PPP4R3A: variants seen among roughly 807,000 people sequenced by gnomAD.
PPP4R3A encodes the protein protein phosphatase 4 regulatory subunit 3A.
A neutral mutation model predicts 91.7 loss-of-function variants in PPP4R3A; 15 were observed. The ratio of observed to expected loss-of-function variants is 0.16; its 90% CI spans 0.11 to 0.25. The LOEUF (loss-of-function observed/expected upper bound fraction) is 0.25, where lower values mean the gene tolerates loss of function less well. PPP4R3A is among the 10% of genes least tolerant of loss of function. The pLI is 1.00. For synonymous variants in PPP4R3A, 377 were observed against 348.7 expected (o/e 1.08, Z -0.91); for missense variants, 623 against 998.4 (o/e 0.62, Z 5.07).
intron 7 of PPP4R3A, 39 bp from the exon 8 acceptor site, chr14:91,473,409 TGA>T: frequency 1.3e-6 from 2 of 1,580,166 alleles, no homozygotes; most frequent in East Asian, 2.2e-5. Context: ...TCACTTATTA[TGA>T]GAGAACGGAA....
chr14:91,501,090 C>A (rs144501666), intron 1 of PPP4R3A, among the ~76,000 whole-genome samples: 1 of 152,108 alleles, frequency 6.6e-6, no homozygotes, highest in African/African-American at 2.4e-5. Flanking sequence ...TTTTATTCAT[C>A]TGGAAAATTC....
At chr14:91,460,595 TGA>T (rs1268388003) in intron 14 of PPP4R3A, among the ~76,000 whole-genome samples, 1 of 151,658 alleles carries the variant, frequency 6.6e-6, no homozygotes, top group Non-Finnish European at 1.5e-5. Flanking sequence ...GGTTTTATTC[TGA>T]GATTGCATGT....
chr14:91,472,841 C>CAACT (rs1888939973), intron 9 of PPP4R3A, among the ~76,000 whole-genome samples, 192 bp downstream of exon 9: 2 of 151,964 alleles, frequency 1.3e-5, no homozygotes, highest in South Asian at 4.2e-4. Context: ...ACCAACCAAC[C>CAACT]AACCAACCAA....
chr14:91,458,886 ATTAT>A lies in PPP4R3A; in HGVS notation c.2392-21_2392-18del, dbSNP rs770506587. On this transcript the variant is annotated intron_variant, in intron 14 of 14. Transcript: ENST00000554943. Reference sequence around the variant, plus strand: ...GAGGCCTCCCTGTTAAGAAATAAGGATTATTTAAAGAACAGAAAATAAAACATAT... The same window carrying A: ...GAGGCCTCCCTGTTAAGAAATAAGGATTAAAGAACAGAAAATAAAACATAT... 235 of 1,581,866 alleles carry A rather than the reference ATTAT, an allele frequency of 1.5e-4. No individual in the cohort carries two copies. The highest frequency in any genetic ancestry group is 1.9e-4 in the Non-Finnish European group (221 of 1,165,444).
intron 1 of PPP4R3A, among the ~76,000 whole-genome samples, chr14:91,499,871 T>TC (rs1890834837): frequency 6.6e-6 from 1 of 150,800 alleles, no homozygotes; most frequent in Non-Finnish European, 1.5e-5. Flanking sequence ...TCTTGGTTCT[T>TC]CCTATAAAAT....
rs997043885 is a variant in PPP4R3A, at chr14:91,485,786, T to G, written c.199-56A>C. 1.1e-4 allele frequency: 128 copies of G among 1,186,168 alleles called. No individual in the cohort carries two copies. The African/African-American group carries it at 1.9e-3, about 17-fold the overall frequency. The allele number at this position is 1,186,168 out of a possible 1,614,324, so 73.5% of individuals were successfully genotyped here. A position where few individuals can be genotyped will look rare whatever the true frequency, so the allele number is the denominator to read the frequency against. ...TAACATACACTATCACAAACGAAAA[T>G]GAACAAACAAAAGGAAATAAAACTG... On this transcript the variant is annotated intron_variant, in intron 2 of 14. Coordinates refer to ENST00000554943, the MANE Select transcript of PPP4R3A (RefSeq NM_001366432.2).
chr14:91,463,826 CAG>C (rs1491173926), intron 11 of PPP4R3A, among the ~76,000 whole-genome samples: 2 of 152,096 alleles, frequency 1.3e-5, no homozygotes, highest in African/African-American at 4.8e-5. Flanking sequence ...CTGCGTGTCA[CAG>C]GGGTTTGGTG....
intron 9 of PPP4R3A, among the ~76,000 whole-genome samples, 181 bp downstream of exon 9, chr14:91,472,852 A>AACCAACCAACCAACCAAG (rs1888940629): frequency 2.6e-5 from 2 of 75,570 alleles, no homozygotes; most frequent in Non-Finnish European, 5.7e-5. Flanking sequence ...AACCAACCAA[A>AACCAACCAACCAACCAAG]TTATTAAGAC....
intron 4 of PPP4R3A, 124 bp from the exon 5 acceptor site, chr14:91,477,110 CTTTT>C (rs66932962): frequency 1.4e-4 from 62 of 429,544 alleles, no homozygotes; most frequent in South Asian, 1.8e-4. Context: ...GCAATGCTGT[CTTTT>C]TTTTTTTTTT....
chr14:91,500,066 T>C (rs998522204), intron 1 of PPP4R3A, among the ~76,000 whole-genome samples: 3 of 152,182 alleles, frequency 2.0e-5, no homozygotes, highest in Non-Finnish European at 4.4e-5. Context: ...ATAAAAATTA[T>C]AGATTTCTTG....
intron 4 of PPP4R3A, among the ~76,000 whole-genome samples, chr14:91,479,132 A>C (rs1156860018): frequency 6.6e-6 from 1 of 152,044 alleles, no homozygotes; most frequent in Non-Finnish European, 1.5e-5. Flanking sequence ...ACAGGTGTCC[A>C]CCATCACGCC....
chr14:91,464,322 A>AC (rs1195313108), intron 11 of PPP4R3A, among the ~76,000 whole-genome samples: 1 of 102,556 alleles, frequency 9.8e-6, no homozygotes, highest in Non-Finnish European at 2.0e-5. Flanking sequence ...CTCTGTCCCC[A>AC]CCCCCCTCCC....
intron 11 of PPP4R3A, 57 bp from the exon 12 acceptor site, chr14:91,462,934 A>T: frequency 7.4e-7 from 1 of 1,343,856 alleles, no homozygotes; most frequent in South Asian, 1.3e-5. Context: ...TAGCAAGATG[A>T]GGCTTAATTT....
intron 1 of PPP4R3A, among the ~76,000 whole-genome samples, chr14:91,502,840 T>C (rs1424945201): frequency 1.3e-5 from 2 of 152,252 alleles, no homozygotes; most frequent in Non-Finnish European, 2.9e-5. Context: ...AAGAATACTT[T>C]ATAAAATTCA....
chr14:91,489,676 CATGTATTTA>C (rs1412725245), intron 2 of PPP4R3A, among the ~76,000 whole-genome samples: 1 of 152,190 alleles, frequency 6.6e-6, no homozygotes, highest in Non-Finnish European at 1.5e-5. Context: ...AACTTCAAAA[CATGTATTTA>C]ATGTATTTAA....
Position 91,481,586 on chromosome 14 carries a change from C to A in PPP4R3A, c.905G>T (p.Gly302Val). Residue 302 changes from glycine (G) to valine (V), a missense_variant, in exon 4 of 15, where the codon GGC becomes GTC. Around this residue, in one of 5 missense-constraint regions of PPP4R3A, gnomAD observed 264 missense variants for 377.3 expected, o/e 0.70. Coordinates refer to ENST00000554943, the MANE Select transcript of PPP4R3A (RefSeq NM_001366432.2). The stretch of plus-strand genomic sequence containing the variant: ...AATGATCTAACTCACCTGCAACATG[C>A]CAACAATCTCTACCTTATTGAAAAA... ...FIFFNKVEIV[G>V]MLQEDEKFLT... is the part of the protein sequence containing the mutation. 1.3e-6 allele frequency: 2 copies of A among 1,556,588 alleles called. No individual in the cohort carries two copies. The highest frequency in any genetic ancestry group is 1.7e-6 in the Non-Finnish European group (2 of 1,156,432).
At chr14:91,471,105 T>C (rs1212856383) in intron 9 of PPP4R3A, 110 bp from the exon 10 acceptor site, 4 of 1,029,026 alleles carry the variant, frequency 3.9e-6, no homozygotes, top group South Asian at 1.8e-5. Flanking sequence ...AACCTAAATA[T>C]ATTAACTTTA....
chr14:91,471,181 T>A (rs948428331), intron 9 of PPP4R3A, among the ~76,000 whole-genome samples, 186 bp from the exon 10 acceptor site: 2 of 152,226 alleles, frequency 1.3e-5, no homozygotes, highest in Non-Finnish European at 2.9e-5. Flanking sequence ...TACTTTTTTT[T>A]ATTTAATTTT....
At chr14:91,507,524 T>C (rs1358846415) in intron 1 of PPP4R3A, among the ~76,000 whole-genome samples, 3 of 137,298 alleles carry the variant, frequency 2.2e-5, no homozygotes, top group Non-Finnish European at 4.5e-5. Flanking sequence ...ATATATACTA[T>C]AGTTATATAT....
Sources: allele counts gnomAD v4.1 joint callset (sites outside exome capture counted in the v4.1 genomes callset), GRCh38; gene constraint gnomAD v4.1.1; regional missense constraint gnomAD v4.1.1; transcripts MANE v1.5; gene names NCBI Gene and HGNC (gene_info 2026-07-23, HGNC 2026-07-21).